The following SHANK2 variants were observed in gnomAD, a reference collection of about 807,000 sequenced individuals.
SHANK2 encodes SH3 and multiple ankyrin repeat domains protein 2.
In SHANK2, 43 loss-of-function variants were observed where a neutral mutation model predicts 133.7. That is an observed-to-expected ratio of 0.32 (90% CI 0.25 to 0.41). The LOEUF (loss-of-function observed/expected upper bound fraction) is 0.41. SHANK2 is among the 10% of genes least tolerant of loss of function. The pLI is 1.00. For synonymous variants in SHANK2, 1,017 were observed against 952.8 expected, an observed-to-expected ratio of 1.07 and a Z score of -1.24; for missense variants, 1,994 against 2,235.8, an observed-to-expected ratio of 0.89 and a Z score of 2.18.
chr11:70,497,122 A>C (rs1253451473), intron 21 of SHANK2: 1 of 439,284 alleles, frequency 2.3e-6, no homozygotes, highest in African/African-American at 2.0e-5. Flanking sequence ...TTCAAATGAA[A>C]AAGGAAAACC....
At chr11:70,867,597 A>G (rs187271290) in intron 11 of SHANK2, among the ~76,000 whole-genome samples, 1 of 152,348 alleles carries the variant, frequency 6.6e-6, no homozygotes, top group Admixed American at 6.5e-5. Flanking sequence ...ATGTGGGGTC[A>G]GCTCAGCCAT....
intron 10 of SHANK2, among the ~76,000 whole-genome samples, chr11:70,898,630 G>C (rs1471720765): frequency 1.3e-5 from 2 of 152,222 alleles, no homozygotes; most frequent in Non-Finnish European, 2.9e-5. Flanking sequence ...ATATTTAGCT[G>C]AAGAGATTTC....
intron 8 of SHANK2, among the ~76,000 whole-genome samples, chr11:71,091,675 C>T (rs1034991941): frequency 6.6e-5 from 10 of 152,074 alleles, no homozygotes; most frequent in Non-Finnish European, 1.3e-4. Context: ...CCAACTCTGG[C>T]AGGGCTCAGC....
intron 16 of SHANK2, 56 bp from the exon 17 acceptor site, chr11:70,660,008 A>G: frequency 1.2e-6 from 2 of 1,613,138 alleles, no homozygotes; most frequent in Non-Finnish European, 1.7e-6. Context: ...CCAAGTTCAC[A>G]TTGCCTGACC....
chr11:71,204,486 G>A (rs797030450), intron 2 of SHANK2, among the ~76,000 whole-genome samples: 37 of 152,314 alleles, frequency 2.4e-4, no homozygotes, highest in African/African-American at 8.9e-4. Flanking sequence ...CCGACGGGAA[G>A]AGGCACCACA....
At chr11:70,506,419 G>A (rs1304878159) in intron 17 of SHANK2, among the ~76,000 whole-genome samples, 1 of 152,198 alleles carries the variant, frequency 6.6e-6, no homozygotes, top group Admixed American at 6.5e-5. Flanking sequence ...CAAATGGCAG[G>A]ACCTGCTCAG....
At chr11:70,839,498 G>A (rs969744514) in intron 11 of SHANK2, among the ~76,000 whole-genome samples, 4 of 152,232 alleles carry the variant, frequency 2.6e-5, no homozygotes, top group Non-Finnish European at 4.4e-5. Flanking sequence ...CACTGACTAC[G>A]TAAGCCAAAA....
intron 17 of SHANK2, among the ~76,000 whole-genome samples, chr11:70,546,012 G>C (rs1222992448): frequency 6.6e-6 from 1 of 152,122 alleles, no homozygotes; most frequent in South Asian, 2.1e-4. Flanking sequence ...GGGCAAATGG[G>C]GGGTGCAGAG....
chr11:70,603,201 G>A (rs1320677139), intron 17 of SHANK2: 10 of 152,334 alleles, frequency 6.6e-5, no homozygotes, highest in Admixed American at 6.5e-4. Flanking sequence ...TCCATGACAT[G>A]GGGAGAAACC....
At position 71,058,416 on chromosome 11, in the gene SHANK2, C is replaced by T. The variant is rs1212235365; in HGVS notation, c.1030-1858G>A. On this transcript the variant is annotated intron_variant, in intron 9 of 25. Coordinates refer to ENST00000601538, the MANE Select transcript of SHANK2 (RefSeq NM_012309.5). ...TTGATGTAACCAGTGGGGACTGCAG[C>T]GGCAAATAACTACTAATAAAAAGGC... Among the ~76,000 whole-genome samples, 7 of 152,290 alleles carry T rather than the reference C, an allele frequency of 4.6e-5. No individual in the cohort carries two copies. The South Asian group carries it at 6.2e-4, about 14-fold the overall frequency.
chr11:71,085,424 C>A (rs1202888530), intron 8 of SHANK2, among the ~76,000 whole-genome samples: 1 of 140,376 alleles, frequency 7.1e-6, no homozygotes, highest in African/African-American at 2.7e-5. Context: ...CCACTTCACC[C>A]CAGCCTGGGC....
At chr11:70,792,287 GCAAT>G (rs1198042795) in intron 14 of SHANK2, among the ~76,000 whole-genome samples, 38 of 101,182 alleles carry the variant, frequency 3.8e-4, no homozygotes, top group African/African-American at 1.2e-3. Context: ...AGCCAGCCAA[GCAAT>G]CAATCAACCA....
At chr11:70,765,291 A>G (rs1947095834) in intron 14 of SHANK2, among the ~76,000 whole-genome samples, 1 of 152,244 alleles carries the variant, frequency 6.6e-6, no homozygotes, top group Non-Finnish European at 1.5e-5. Context: ...TGATTGGGTC[A>G]GGGATGGGCA....
At chr11:71,217,952 A>G (rs557981341) in intron 2 of SHANK2, among the ~76,000 whole-genome samples, 12 of 152,072 alleles carry the variant, frequency 7.9e-5, no homozygotes, top group African/African-American at 2.9e-4. Flanking sequence ...CTGGGTTCAC[A>G]CCATTATCCT....
intron 17 of SHANK2, among the ~76,000 whole-genome samples, chr11:70,567,350 C>T (rs759849491): frequency 1.3e-5 from 2 of 152,082 alleles, no homozygotes; most frequent in Non-Finnish European, 2.9e-5. Context: ...GAGATGAGGC[C>T]GGGCGTGGTG....
intron 23 of SHANK2, 125 bp from the exon 24 acceptor site, chr11:70,489,473 C>A: frequency 1.1e-6 from 1 of 880,708 alleles, no homozygotes; most frequent in Non-Finnish European, 1.9e-6. Context: ...CCACTTACTG[C>A]CTAGTGACTG....
intron 11 of SHANK2, among the ~76,000 whole-genome samples, chr11:70,886,168 C>T (rs1388223365): frequency 1.3e-5 from 2 of 152,200 alleles, no homozygotes; most frequent in Non-Finnish European, 2.9e-5. Context: ...CGAGACAAGA[C>T]GCAGGTCAGT....
intron 2 of SHANK2, among the ~76,000 whole-genome samples, chr11:71,169,027 C>G (rs1431998126): frequency 6.6e-6 from 1 of 152,074 alleles, no homozygotes; most frequent in East Asian, 1.9e-4. Context: ...GTGGGTTTTG[C>G]CATTTCTTTA....
chr11:70,955,478 C>T (rs1299036162), intron 10 of SHANK2, among the ~76,000 whole-genome samples: 3 of 150,362 alleles, frequency 2.0e-5, no homozygotes, highest in Admixed American at 1.3e-4. Context: ...CACACACTTA[C>T]AAATACATAT....
Sources: gnomAD v4.1 joint callset for allele counts (sites outside exome capture counted in the v4.1 genomes callset) on GRCh38, gnomAD v4.1.1 for gene constraint, MANE v1.5 for transcripts, NCBI Gene and HGNC (gene_info 2026-07-23, HGNC 2026-07-21) for gene names.